Variants in ALDH3A2 observed in about 807,000 individuals in gnomAD.
The protein encoded by ALDH3A2 is aldehyde dehydrogenase family 3 member A2.
A neutral mutation model predicts 51.3 loss-of-function variants in ALDH3A2; 36 were observed. The ratio of observed to expected loss-of-function variants is 0.70; its 90% CI spans 0.54 to 0.93. The LOEUF is 0.93. ALDH3A2 is among the 40% of genes least tolerant of loss of function. The pLI, the probability that ALDH3A2 is intolerant of heterozygous loss-of-function variation, is 0.00. For synonymous variants in ALDH3A2, 199 were observed against 219.8 expected, an observed-to-expected ratio of 0.91 and a Z score of 0.84; for missense variants, 552 against 603.1, an observed-to-expected ratio of 0.92 and a Z score of 0.89.
chr17:19,648,230 C>G (rs535778360), upstream of ALDH3A2: 23 of 152,520 alleles, frequency 1.5e-4, no homozygotes, highest in African/African-American at 5.5e-4. Context: ...CCCGGCTTCC[C>G]GCCCTCAGGG....
At position 19,648,760 on chromosome 17, in the gene ALDH3A2, C is replaced by T. The variant is rs983208521; in HGVS notation, c.-212C>T. ...GCTTTGGGTCGAGCTCAGTCCTCCC[C>T]CGGCGCCTCCGACTGGCAGTGGGAC... On this transcript the variant is annotated 5_prime_UTR_variant, in exon 1 of 10. Coordinates refer to ENST00000176643, the MANE Select transcript of ALDH3A2 (RefSeq NM_000382.3). The T allele has an allele frequency of 3.5e-5, 23 of 652,460 alleles. No individual in the cohort carries two copies. The East Asian group carries it at 4.2e-4, about 12-fold the overall frequency. 40.4% of individuals were successfully genotyped at this position (652,460 alleles called of 1,614,324 possible).
At chr17:19,657,277 G>A (rs2084909560) in intron 4 of ALDH3A2, among the ~76,000 whole-genome samples, 1 of 152,222 alleles carries the variant, frequency 6.6e-6, no homozygotes, top group African/African-American at 2.4e-5. Context: ...TTCCCAAGTG[G>A]GGCAGGGCTC....
At position 19,671,976 on chromosome 17, in the gene ALDH3A2, G is replaced by A; in HGVS notation, c.1443+20G>A. ...GTCAAGGTGAGTCCCTATAACCCATGAGTGCCATTCAGTCTGGTCCTGGCC... is the reference window on the plus strand; with the variant it reads ...GTCAAGGTGAGTCCCTATAACCCATAAGTGCCATTCAGTCTGGTCCTGGCC... On this transcript the variant is annotated intron_variant, in intron 9 of 9. Transcript: ENST00000176643. The A allele has an allele frequency of 5.6e-6, 9 of 1,603,132 alleles. No individual in the cohort carries two copies. Among genetic ancestry groups the A allele is most frequent in the Non-Finnish European group, 7.7e-6 (9 of 1,170,076 alleles).
chr17:19,666,819 ATAATAAAAT>A, intron 8 of ALDH3A2, among the ~76,000 whole-genome samples: 1 of 150,656 alleles, frequency 6.6e-6, no homozygotes, highest in South Asian at 2.1e-4. Context: ...ATAAATAAAA[ATAATAAAAT>A]AAAACAAGCA....
rs1038913821 is a variant in ALDH3A2, at chr17:19,653,935, T to G, written c.471+1303T>G. 3.9e-5 allele frequency among the ~76,000 whole-genome samples: 6 copies of G among 152,352 alleles called. No individual in the cohort carries two copies. In the South Asian group the frequency reaches 1.2e-3, roughly 32 times the overall value. Reference sequence around the variant, plus strand: ...CCTGAGCTAGACACAGAATGCTGATTGGTGCATTTACAATCCTCTAGCTAG... The same window carrying G: ...CCTGAGCTAGACACAGAATGCTGATGGGTGCATTTACAATCCTCTAGCTAG... On this transcript the variant is annotated intron_variant, in intron 3 of 9. Coordinates refer to ENST00000176643, the MANE Select transcript of ALDH3A2 (RefSeq NM_000382.3).
At chr17:19,656,636 T>C (rs1352082685) in intron 4 of ALDH3A2, 62 bp downstream of exon 4, 1 of 1,442,878 alleles carries the variant, frequency 6.9e-7, no homozygotes, top group Non-Finnish European at 9.6e-7. Flanking sequence ...TTCCTGACAA[T>C]GTTACTCTTT....
intron 3 of ALDH3A2, among the ~76,000 whole-genome samples, chr17:19,653,832 G>A (rs1036103132): frequency 5.9e-5 from 9 of 152,134 alleles, no homozygotes; most frequent in Non-Finnish European, 1.0e-4. Context: ...GGCCCCACCC[G>A]CATCCTGCTG....
intron 3 of ALDH3A2, among the ~76,000 whole-genome samples, chr17:19,655,578 T>G (rs949160294): frequency 6.6e-6 from 1 of 152,206 alleles, no homozygotes; most frequent in Non-Finnish European, 1.5e-5. Flanking sequence ...GTGAATGAAA[T>G]TAATTCGCCT....
rs752850716 is a variant in ALDH3A2 at position 19,656,578 on chromosome 17, A to G, written c.680+4A>G. The G allele has an allele frequency of 1.9e-6, 3 of 1,607,602 alleles. No individual in the cohort carries two copies. Among genetic ancestry groups the G allele is most frequent in the Admixed American group, 3.4e-5 (2 of 58,880 alleles). ...GTGACCTGGACATTGTTTGCAGGTG[A>G]GTCTGGCTCTCTGATTTTCTGAGGT... On this transcript the variant is annotated splice_donor_region_variant and intron_variant, in intron 4 of 9. Transcript: ENST00000176643.
rs1228059557 is a variant in ALDH3A2 at position 19,654,542 on chromosome 17, C to G, written c.472-1824C>G. Among the ~76,000 whole-genome samples, 3 of 152,176 alleles carry G rather than the reference C, an allele frequency of 2.0e-5. No individual in the cohort carries two copies. The highest frequency in any genetic ancestry group is 2.9e-5 in the Non-Finnish European group (2 of 68,000). On this transcript the variant is annotated intron_variant, in intron 3 of 9. Coordinates refer to ENST00000176643, the MANE Select transcript of ALDH3A2 (RefSeq NM_000382.3). This position sits in a 1 kb window ranked among gnomAD's most constrained non-coding sequence, Gnocchi z 4.5. ...TTGCTGGGGGACCCGGGGCACCCTC[C>G]TCAGCAGCTGGCCCAGGTGCTAAGC...
chr17:19,657,251 A>C (rs1436238345), intron 4 of ALDH3A2, among the ~76,000 whole-genome samples: 1 of 152,270 alleles, frequency 6.6e-6, no homozygotes, highest in Non-Finnish European at 1.5e-5. Flanking sequence ...GTTTCTGCCC[A>C]TGCATAGGAA....
chr17:19,656,958 T>C (rs1480056660), intron 4 of ALDH3A2, among the ~76,000 whole-genome samples: 1 of 152,246 alleles, frequency 6.6e-6, no homozygotes, highest in African/African-American at 2.4e-5. Flanking sequence ...TATGCTGATA[T>C]CTTAACTGAG....
In ALDH3A2 at chr17:19,668,435, A is replaced by G. The variant is rs577253678; in HGVS notation, c.1208-3286A>G. On this transcript the variant is annotated intron_variant, in intron 8 of 9. Transcript: ENST00000176643. ...CCTAATTTTTGTAGTTTTAGTAGAG[A>G]TGGGGTCTCACCATGTTGGCCAGGC... 1.8e-4 allele frequency among the ~76,000 whole-genome samples: 27 copies of G among 152,032 alleles called. No individual in the cohort carries two copies. The East Asian group carries it at 5.3e-3, about 30-fold the overall frequency.
At chr17:19,673,349 TG>T (rs1458860821) in intron 9 of ALDH3A2, 13 of 1,359,348 alleles carry the variant, frequency 9.6e-6, no homozygotes, top group East Asian at 8.0e-5. Context: ...TTTTTTGGTT[TG>T]TTTTTGTTTT....
intron 3 of ALDH3A2, 69 bp from the exon 4 acceptor site, chr17:19,656,297 A>C: frequency 1.4e-5 from 19 of 1,318,146 alleles, no homozygotes; most frequent in Non-Finnish European, 1.9e-5. Flanking sequence ...TTTATGTTGA[A>C]GAGATTGCTG....
chr17:19,653,721 T>G (rs886755335), intron 3 of ALDH3A2, among the ~76,000 whole-genome samples: 3 of 152,132 alleles, frequency 2.0e-5, no homozygotes, highest in African/African-American at 7.2e-5. Context: ...AGCAGCAAGA[T>G]TTATTGCAAA....
intron 5 of ALDH3A2, among the ~76,000 whole-genome samples, chr17:19,660,520 G>T (rs906732102): frequency 6.6e-6 from 1 of 152,200 alleles, no homozygotes; most frequent in African/African-American, 2.4e-5. Context: ...AATATTGATT[G>T]TATGATTATT....
intron 1 of ALDH3A2, 155 bp downstream of exon 1, chr17:19,649,279 G>T (rs1460692091): frequency 9.4e-7 from 1 of 1,066,632 alleles, no homozygotes; most frequent in South Asian, 1.7e-5. Context: ...CAAAGTTCCC[G>T]CAGACTTTCC....
intron 8 of ALDH3A2, 78 bp from the exon 9 acceptor site, chr17:19,671,643 C>T: frequency 7.7e-7 from 1 of 1,292,866 alleles, no homozygotes; most frequent in Middle Eastern, 1.8e-4. Flanking sequence ...TGCATGTGAG[C>T]TTTCCCGGTC....
Sources: gnomAD v4.1 joint callset for allele counts (sites outside exome capture counted in the v4.1 genomes callset) on GRCh38, gnomAD v4.1.1 for gene constraint, Gnocchi (gnomAD v3.1) non-coding constraint, MANE v1.5 for transcripts, NCBI Gene and HGNC (gene_info 2026-07-23, HGNC 2026-07-21) for gene names.